Variants in IFIH1 observed in about 807,000 individuals in gnomAD.
IFIH1 encodes interferon induced with helicase C domain 1, also known as interferon-induced helicase C domain-containing protein 1.
Under a neutral mutation model 107.4 loss-of-function variants are expected in IFIH1, and 125 were observed. The ratio of observed to expected loss-of-function variants is 1.16; its 90% CI spans 1.01 to 1.35. IFIH1 has a LOEUF of 1.35. Ranked by LOEUF, IFIH1 falls within the 40% of genes most tolerant of loss-of-function variation. The pLI is 0.00. For synonymous variants in IFIH1, 458 were observed against 413.2 expected (o/e 1.11, Z -1.31); for missense variants, 1,333 against 1,213.7 (o/e 1.10, Z -1.46).
chr2:162,296,243 A>G (rs1683083138), intron 3 of IFIH1, among the ~76,000 whole-genome samples: 1 of 152,104 alleles, frequency 6.6e-6, no homozygotes, highest in Admixed American at 6.6e-5. Context: ...ATGTGCACGA[A>G]TAATTGATGA....
chr2:162,291,039 T>C (rs1682988286), intron 4 of IFIH1, among the ~76,000 whole-genome samples: 1 of 151,852 alleles, frequency 6.6e-6, no homozygotes, highest in Non-Finnish European at 1.5e-5. Flanking sequence ...TGTTTTTGGC[T>C]TTCTCTGAAA....
At chr2:162,305,900 T>C (rs1361989731) in intron 3 of IFIH1, among the ~76,000 whole-genome samples, 1 of 152,210 alleles carries the variant, frequency 6.6e-6, no homozygotes, top group East Asian at 1.9e-4. Flanking sequence ...TCTTCCCAGC[T>C]TTGTGTTCAG....
chr2:162,293,605 C>T lies in IFIH1; in HGVS notation c.833G>A (p.Ser278Asn). 1 of 1,611,924 alleles carries T rather than the reference C, an allele frequency of 6.2e-7. No homozygotes were observed. The highest frequency in any genetic ancestry group is 8.5e-7 in the Non-Finnish European group (1 of 1,178,492). The change falls in exon 4 of 16, where the codon AGC (serine) becomes AAC (asparagine). Residue 278 changes from serine (S) to asparagine (N), a missense_variant. Transcript: ENST00000649979. ...SCLDESLGHN[S>N]NMGSDSGTMG... is the part of the protein sequence containing the mutation. Reference sequence around the variant, plus strand: ...GGTGCCTGAATCACTGCCCATGTTGCTGTTATGTCCAAGACTTTCATCTAA... The same window carrying T: ...GGTGCCTGAATCACTGCCCATGTTGTTGTTATGTCCAAGACTTTCATCTAA...
intron 13 of IFIH1, among the ~76,000 whole-genome samples, chr2:162,271,425 G>C (rs1417087288): frequency 6.9e-6 from 1 of 144,286 alleles, no homozygotes; most frequent in Non-Finnish European, 1.5e-5. Context: ...CTTGGACACA[G>C]GGCTGGGAAC....
chr2:162,273,456 C>G (rs991225570), intron 12 of IFIH1, among the ~76,000 whole-genome samples: 8 of 152,084 alleles, frequency 5.3e-5, no homozygotes, highest in Admixed American at 6.5e-5. Context: ...CTTTAGATTC[C>G]TGGTCCAGCT....
chr2:162,278,138 A>G, intron 9 of IFIH1, 67 bp downstream of exon 9: 1 of 1,381,310 alleles, frequency 7.2e-7, no homozygotes, highest in Non-Finnish European at 1.0e-6. Flanking sequence ...GGAATCTGTG[A>G]TATAGTCATC....
chr2:162,313,595 T>C (rs1683419862), intron 1 of IFIH1, among the ~76,000 whole-genome samples: 1 of 152,214 alleles, frequency 6.6e-6, no homozygotes, highest in Admixed American at 6.5e-5. Context: ...ATTGTACAGT[T>C]TAATGAAAAT....
chr2:162,278,173 T>C (rs1313288749), intron 9 of IFIH1, 32 bp downstream of exon 9: 1 of 1,577,182 alleles, frequency 6.3e-7, no homozygotes, highest in Non-Finnish European at 8.6e-7. Context: ...AAACATGGGA[T>C]AAACTAAGTG....
At chr2:162,310,688 TTG>T in intron 2 of IFIH1, 75 bp downstream of exon 2, 1 of 1,217,754 alleles carries the variant, frequency 8.2e-7, no homozygotes, top group South Asian at 1.3e-5. Flanking sequence ...GTGTTTAGCA[TTG>T]TGTCTTTCTG....
Position 162,280,159 on chromosome 2 carries a change from T to C in IFIH1, c.1525-47A>G, listed in dbSNP as rs1288295991. The C allele has an allele frequency of 4.0e-6, 4 of 1,001,338 alleles. No individual in the cohort carries two copies. In the Admixed American group the frequency reaches 7.5e-5, roughly 19 times the overall value. The allele number at this position is 1,001,338 out of a possible 1,614,324, so 62.0% of individuals were successfully genotyped here. A position where few individuals can be genotyped will look rare whatever the true frequency, so the allele number is the denominator to read the frequency against. Reference sequence around the variant, plus strand: ...ATATTTATGCAATTATTTTTCCCTTTCACTTTATTCAACGTAGAACTCTTT... The same window carrying C: ...ATATTTATGCAATTATTTTTCCCTTCCACTTTATTCAACGTAGAACTCTTT... On this transcript the variant is annotated intron_variant, in intron 7 of 15. Transcript: ENST00000649979.
chr2:162,272,565 C>A (rs1691064464), intron 12 of IFIH1, among the ~76,000 whole-genome samples, 178 bp from the exon 13 acceptor site: 1 of 152,148 alleles, frequency 6.6e-6, no homozygotes, highest in Non-Finnish European at 1.5e-5. Flanking sequence ...TGTAAGTCAG[C>A]TCTTTGAAAC....
chr2:162,281,316 A>T lies in IFIH1; in HGVS notation c.1524+12T>A. On this transcript the variant is annotated intron_variant, in intron 7 of 15. Coordinates refer to ENST00000649979, the MANE Select transcript of IFIH1 (RefSeq NM_022168.4). ...TTTGCTTTCATTGGTTATACATAAA[A>T]TTATGACTTACTTTTAAAATGTGTT... 1 of 1,606,374 alleles carries T rather than the reference A, an allele frequency of 6.2e-7. No individual in the cohort carries two copies. The highest frequency in any genetic ancestry group is 1.3e-5 in the African/African-American group (1 of 74,580).
intron 8 of IFIH1, among the ~76,000 whole-genome samples, chr2:162,278,589 A>T (rs1349409121): frequency 6.6e-6 from 1 of 152,178 alleles, no homozygotes; most frequent in Non-Finnish European, 1.5e-5. Flanking sequence ...AGTAAAGTTA[A>T]TGAATTATAT....
intron 12 of IFIH1, among the ~76,000 whole-genome samples, chr2:162,272,702 C>T (rs1013724788): frequency 3.3e-5 from 5 of 152,124 alleles, no homozygotes; most frequent in South Asian, 2.1e-4. Context: ...GAACCACGAT[C>T]AATGACTTGG....
intron 4 of IFIH1, 46 bp downstream of exon 4, chr2:162,293,518 G>C: frequency 4.9e-6 from 6 of 1,216,644 alleles, no homozygotes; most frequent in Non-Finnish European, 7.3e-6. Flanking sequence ...ACTATATGGC[G>C]TCTTATTTCA....
chr2:162,309,018 C>A lies in IFIH1; in HGVS notation c.622+1747G>T, dbSNP rs182704106. Among the ~76,000 whole-genome samples, 450 of 152,220 alleles carry A rather than the reference C, an allele frequency of 3.0e-3. 6 individuals carry two copies. Among genetic ancestry groups the A allele is most frequent in the Admixed American group, 0.025 (385 of 15,296 alleles). On this transcript the variant is annotated intron_variant, in intron 2 of 15. Transcript: ENST00000649979. ...ACCAGTTGAGCTACATGTTTCTTTT[C>A]CATAATACAATGGTGGGACAGGCAT...
chr2:162,308,152 C>T (rs1683320295), intron 2 of IFIH1, among the ~76,000 whole-genome samples: 1 of 152,124 alleles, frequency 6.6e-6, no homozygotes, highest in Non-Finnish European at 1.5e-5. Context: ...AAACAACAGA[C>T]ACTTCTTTTC....
At chr2:162,294,298 A>G (rs1397967328) in intron 3 of IFIH1, among the ~76,000 whole-genome samples, 2 of 151,960 alleles carry the variant, frequency 1.3e-5, no homozygotes, top group African/African-American at 4.8e-5. Context: ...GTTAATATGG[A>G]TGAATAGCAG....
chr2:162,277,358 A>C, intron 10 of IFIH1, 57 bp downstream of exon 10: 1 of 1,207,498 alleles, frequency 8.3e-7, no homozygotes, highest in Non-Finnish European at 1.2e-6. Context: ...GAGAAGCAGT[A>C]AGTTCATGTT....
Sources: gnomAD v4.1 joint callset for allele counts (sites outside exome capture counted in the v4.1 genomes callset) on GRCh38, gnomAD v4.1.1 for gene constraint, MANE v1.5 for transcripts, NCBI Gene and HGNC (gene_info 2026-07-23, HGNC 2026-07-21) for gene names.